Variants in SLC6A4 observed in about 807,000 individuals in gnomAD.
The protein encoded by SLC6A4 is sodium-dependent serotonin transporter.
SLC6A4 carries 22 observed loss-of-function variants against 73.4 expected under a neutral mutation model. The ratio of observed to expected loss-of-function variants is 0.30; its 90% confidence interval spans 0.21 to 0.43. The LOEUF is 0.43. Ranked by LOEUF, SLC6A4 falls within the 20% of genes least tolerant of loss-of-function variation. The pLI, the probability that SLC6A4 is intolerant of heterozygous loss-of-function variation, is 1.00. For synonymous variants in SLC6A4, 270 were observed against 315.5 expected (o/e 0.86, Z 1.53); for missense variants, 593 against 808.5 (o/e 0.73, Z 3.23).
At chr17:30,199,151 C>T (rs959890143) in intron 14 of SLC6A4, among the ~76,000 whole-genome samples, 10 of 152,102 alleles carry the variant, frequency 6.6e-5, no homozygotes, top group Admixed American at 6.5e-4. Flanking sequence ...TGATGTAGTA[C>T]TCATCACAGA....
chr17:30,215,014 TTC>T (rs998336923), intron 8 of SLC6A4, among the ~76,000 whole-genome samples: 1 of 19,138 alleles, frequency 5.2e-5, no homozygotes, highest in Non-Finnish European at 1.5e-4. Flanking sequence ...CTTTCTTTCT[TTC>T]TTTCTTTTTT....
At position 30,198,432 on chromosome 17, in the gene SLC6A4, G is replaced by C; in HGVS notation, c.*24C>G. ...AACTGGAGGAGGAGGTTGTGGAGAA[G>C]CCTTTTTCCTCTCGGTGAGTGTGTT... is the stretch of plus-strand genomic sequence containing the variant. On this transcript the variant is annotated 3_prime_UTR_variant, in exon 15 of 15. Transcript: ENST00000650711. The C allele has an allele frequency of 7.0e-7, 1 of 1,436,200 alleles. No homozygotes were observed. Among genetic ancestry groups the C allele is most frequent in the South Asian group, 1.2e-5 (1 of 85,128 alleles). 89.0% of individuals were successfully genotyped at this position (1,436,200 alleles called of 1,614,324 possible).
intron 12 of SLC6A4, among the ~76,000 whole-genome samples, chr17:30,208,748 G>A (rs1183759008): frequency 6.6e-6 from 1 of 152,174 alleles, no homozygotes; most frequent in Admixed American, 6.5e-5. Context: ...CTGGAGTGCA[G>A]TGGCGCGATC....
rs987608127 is a variant in SLC6A4, at chr17:30,210,050, C to A, written c.1449+465G>T. Among the ~76,000 whole-genome samples, 6 of 150,870 alleles carry A rather than the reference C, an allele frequency of 4.0e-5. No individual in the cohort carries two copies. In the South Asian group the frequency reaches 1.3e-3, roughly 31 times the overall value. On this transcript the variant is annotated intron_variant, in intron 11 of 14. Coordinates refer to ENST00000650711, the MANE Select transcript of SLC6A4 (RefSeq NM_001045.6). ...GCTTAAAGATGCACATTTGCAAAAT[C>A]TGCCTTAGAGTATTTACTTCAGCTA... is the stretch of plus-strand genomic sequence containing the variant.
At chr17:30,201,840 C>T (rs1429432093) in intron 14 of SLC6A4, among the ~76,000 whole-genome samples, 2 of 152,216 alleles carry the variant, frequency 1.3e-5, no homozygotes, top group Admixed American at 6.5e-5. Context: ...GGTGCAGTGG[C>T]TCATGCCGGC....
intron 7 of SLC6A4, among the ~76,000 whole-genome samples, 156 bp downstream of exon 7, chr17:30,215,926 A>G (rs564213786): frequency 7.2e-5 from 11 of 152,274 alleles, no homozygotes; most frequent in African/African-American, 2.4e-4. Flanking sequence ...AGTGGCCTCA[A>G]CTGTACTTTA....
chr17:30,212,094 T>C (rs552785551), intron 9 of SLC6A4, among the ~76,000 whole-genome samples: 1 of 152,314 alleles, frequency 6.6e-6, no homozygotes, highest in South Asian at 2.1e-4. Flanking sequence ...TCTGTTGCTC[T>C]TTTCTTTTTC....
At position 30,222,055 on chromosome 17, in the gene SLC6A4, G is replaced by A. The variant is rs200885631; in HGVS notation, c.-97C>T. The A allele has an allele frequency of 7.7e-5, 123 of 1,588,634 alleles. No individual in the cohort carries two copies. The highest frequency in any genetic ancestry group is 1.0e-4 in the Non-Finnish European group (117 of 1,167,912). ...GTGGATCACCTCCGAGCTCTCTATC[G>A]TCGGGATTGACACGTCGGGATTGAC... On this transcript the variant is annotated 5_prime_UTR_variant, in exon 3 of 15. It adds an upstream start codon to the 5' untranslated region. Coordinates refer to ENST00000650711, the MANE Select transcript of SLC6A4 (RefSeq NM_001045.6).
Position 30,228,077 on chromosome 17 carries a change from A to G in SLC6A4, c.-220-5162T>C, listed in dbSNP as rs149699290. 4.8e-3 allele frequency among the ~76,000 whole-genome samples: 727 copies of G among 152,334 alleles called. 1 individual carries two copies. The highest frequency in any genetic ancestry group is 8.5e-3 in the Non-Finnish European group (578 of 68,030). ...TGTGAACAGCCCTCCTCCAGTGAAT[A>G]TAAACAGCCAAGCCCAGACTAACTT... On this transcript the variant is annotated intron_variant, in intron 1 of 14. Transcript: ENST00000650711.
At chr17:30,222,601 A>C (rs1344950377) in intron 2 of SLC6A4, among the ~76,000 whole-genome samples, 1 of 152,224 alleles carries the variant, frequency 6.6e-6, no homozygotes, top group Non-Finnish European at 1.5e-5. Context: ...TATGATTTTA[A>C]AAGGAAAAAA....
At chr17:30,224,220 G>GT (rs1376244724) in intron 1 of SLC6A4, among the ~76,000 whole-genome samples, 153 of 149,706 alleles carry the variant, frequency 1.0e-3, no homozygotes, top group African/African-American at 3.5e-3. Context: ...TGGCCCCACA[G>GT]TTTTGTTTTT....
rs60956948 is a variant in SLC6A4, at chr17:30,218,786, C to G, written c.478+11G>C. ...GCTCCACTTACCCACCCCACCGAGC[C>G]CTTCAGTTACCTTTGAAAATCGGGC... On this transcript the variant is annotated intron_variant, in intron 4 of 14. Transcript: ENST00000650711. 6.2e-7 allele frequency: 1 copy of G among 1,613,914 alleles called. No individual in the cohort carries two copies. The highest frequency in any genetic ancestry group is 1.7e-5 in the Admixed American group (1 of 60,014).
At position 30,218,820 on chromosome 17, in the gene SLC6A4, C is replaced by G; in HGVS notation, c.455G>C (p.Arg152Thr). Reference sequence around the variant, plus strand: ...ACCTTTGAAAATCGGGCAGATTTTCCTCCATATTGAAATGCATCCATTTCG... The same window carrying G: ...ACCTTTGAAAATCGGGCAGATTTTCGTCCATATTGAAATGCATCCATTTCG... Reference protein sequence around the residue: ...YHRNGCISIWRKICPIFKGIG... With the variant: ...YHRNGCISIWTKICPIFKGIG... Residue 152 changes from arginine to threonine, a missense_variant, in exon 4 of 15, where the codon AGG becomes ACG. By Grantham distance (71) the Arg-to-Thr change is moderately conservative. Transcript: ENST00000650711. 7 of 1,614,108 alleles carry G rather than the reference C, an allele frequency of 4.3e-6. No homozygotes were observed. Among genetic ancestry groups the G allele is most frequent in the Non-Finnish European group, 5.9e-6 (7 of 1,180,022 alleles).
chr17:30,230,110 A>AGGAGGAGGAGGAG (rs1567824211), intron 1 of SLC6A4, among the ~76,000 whole-genome samples: 1 of 127,242 alleles, frequency 7.9e-6, no homozygotes, highest in African/African-American at 3.2e-5. Flanking sequence ...AGGAAGAGGA[A>AGGAGGAGGAGGAG]GAGGAAGAGG....
At chr17:30,223,614 G>A (rs762119173) in intron 1 of SLC6A4, among the ~76,000 whole-genome samples, 5 of 152,160 alleles carry the variant, frequency 3.3e-5, no homozygotes, top group East Asian at 1.9e-4. Context: ...TAAAGGGATC[G>A]ATTGTTGCCA....
rs757566334 is a variant in SLC6A4 at position 30,218,779 on chromosome 17, A to G, written c.478+18T>C. The G allele has an allele frequency of 6.2e-7, 1 of 1,613,446 alleles. No individual in the cohort carries two copies. The highest frequency in any genetic ancestry group is 8.5e-7 in the Non-Finnish European group (1 of 1,179,690). On this transcript the variant is annotated intron_variant, in intron 4 of 14. Coordinates refer to ENST00000650711, the MANE Select transcript of SLC6A4 (RefSeq NM_001045.6). The stretch of plus-strand genomic sequence containing the variant: ...CTGAGAGGCTCCACTTACCCACCCC[A>G]CCGAGCCCTTCAGTTACCTTTGAAA...
chr17:30,230,508 G>C (rs1202498987), intron 1 of SLC6A4, among the ~76,000 whole-genome samples: 1 of 152,162 alleles, frequency 6.6e-6, no homozygotes, highest in Non-Finnish European at 1.5e-5. Context: ...AGACATGATT[G>C]GGTCCACAAA....
intron 8 of SLC6A4, among the ~76,000 whole-genome samples, chr17:30,213,300 TTC>T (rs1906445422): frequency 1.3e-5 from 2 of 148,212 alleles, no homozygotes; most frequent in South Asian, 4.2e-4. Context: ...TCATTTTTTT[TTC>T]TTTTTTTTTT....
At chr17:30,223,490 A>C (rs1164343714) in intron 1 of SLC6A4, among the ~76,000 whole-genome samples, 2 of 152,260 alleles carry the variant, frequency 1.3e-5, no homozygotes, top group Admixed American at 1.3e-4. Context: ...TAGCTTCACA[A>C]GAATGACTAT....
Sources: allele counts gnomAD v4.1 joint callset (sites outside exome capture counted in the v4.1 genomes callset), GRCh38; gene constraint gnomAD v4.1.1; transcripts MANE v1.5; gene names NCBI Gene and HGNC (gene_info 2026-07-23, HGNC 2026-07-21).